The following NRG3 variants were observed in gnomAD, a reference collection of about 807,000 sequenced individuals.
NRG3 encodes neuregulin 3, also known as pro-neuregulin-3, membrane-bound isoform.
A neutral mutation model predicts 66.9 loss-of-function variants in NRG3; 31 were observed. That is an observed-to-expected ratio of 0.46 (90% CI 0.35 to 0.63). NRG3 has a LOEUF of 0.63. Ranked by LOEUF, NRG3 falls within the 20% of genes least tolerant of loss-of-function variation. NRG3 has a pLI of 0.00. For missense variants in NRG3, 910 were observed against 878.9 expected (o/e 1.04, Z -0.45); for synonymous variants, 393 against 359.4 (o/e 1.09, Z -1.06).
intron 3 of NRG3, among the ~76,000 whole-genome samples, chr10:82,764,139 A>T (rs564439094): frequency 6.6e-6 from 1 of 151,484 alleles, no homozygotes; most frequent in Non-Finnish European, 1.5e-5. Flanking sequence ...GGTTCAAGAG[A>T]TTTTTCTGCT....
chr10:82,059,230 G>A (rs1375892334), intron 1 of NRG3, among the ~76,000 whole-genome samples: 1 of 152,146 alleles, frequency 6.6e-6, no homozygotes, highest in Non-Finnish European at 1.5e-5. Flanking sequence ...ACAACATCTA[G>A]GCTGTAGCAC....
chr10:82,662,818 G>T (rs533011974), intron 2 of NRG3, among the ~76,000 whole-genome samples: 48 of 152,208 alleles, frequency 3.2e-4, no homozygotes, highest in African/African-American at 1.2e-3. Flanking sequence ...AGGTATAAAG[G>T]CTCCATAAAA....
intron 1 of NRG3, among the ~76,000 whole-genome samples, chr10:81,955,109 T>C (rs897976778): frequency 6.7e-6 from 1 of 149,038 alleles, no homozygotes; most frequent in Non-Finnish European, 1.5e-5. Context: ...GTTTGTTCTG[T>C]TATATTAGAC....
chr10:82,220,403 CTG>C (rs2133766842), intron 1 of NRG3, among the ~76,000 whole-genome samples: 1 of 152,218 alleles, frequency 6.6e-6, no homozygotes, highest in African/African-American at 2.4e-5. Flanking sequence ...TTTCTTGTGT[CTG>C]TGAGCCTAGA....
At chr10:82,485,516 A>G (rs1443365874) in intron 2 of NRG3, among the ~76,000 whole-genome samples, 1 of 150,030 alleles carries the variant, frequency 6.7e-6, no homozygotes, top group African/African-American at 2.5e-5. Context: ...GGGTAATCTA[A>G]TCAGAAATGG....
chr10:81,880,401 A>G (rs954797205), intron 1 of NRG3, among the ~76,000 whole-genome samples: 1 of 152,142 alleles, frequency 6.6e-6, no homozygotes, highest in African/African-American at 2.4e-5. Context: ...CCTGACCAAA[A>G]AAAACAAAAA....
At chr10:82,364,762 A>G (rs562067645) in intron 2 of NRG3, among the ~76,000 whole-genome samples, 8 of 152,356 alleles carry the variant, frequency 5.3e-5, no homozygotes, top group African/African-American at 1.9e-4. Flanking sequence ...CATTTTGGAA[A>G]TCAGCCAAGC....
rs372825042 is a variant in NRG3, at chr10:82,801,829, G to A, written c.1027+63179G>A. Among the ~76,000 whole-genome samples, 27 of 152,226 alleles carry A rather than the reference G, an allele frequency of 1.8e-4. No individual in the cohort carries two copies. The East Asian group carries it at 1.9e-3, about 11-fold the overall frequency. ...CCTTGTAATGTCTGTGTGATGTGAT[G>A]GTAAATTCAGAATATCTGTTCCAAT... On this transcript the variant is annotated intron_variant, in intron 3 of 8. Coordinates refer to ENST00000372141, the MANE Select transcript of NRG3 (RefSeq NM_001010848.4).
intron 1 of NRG3, among the ~76,000 whole-genome samples, chr10:82,003,585 C>T (rs1371649487): frequency 6.6e-6 from 1 of 152,102 alleles, no homozygotes; most frequent in Admixed American, 6.6e-5. Context: ...TTAAGAATGA[C>T]AGAGTGGCCA....
chr10:82,263,608 C>A (rs1278840031), intron 1 of NRG3, among the ~76,000 whole-genome samples: 1 of 152,042 alleles, frequency 6.6e-6, no homozygotes, highest in Non-Finnish European at 1.5e-5. Flanking sequence ...ATACTACATA[C>A]ACACACACCA....
intron 3 of NRG3, among the ~76,000 whole-genome samples, chr10:82,768,021 C>G (rs1219359581): frequency 5.9e-5 from 9 of 151,972 alleles, no homozygotes; most frequent in Non-Finnish European, 1.3e-4. Context: ...GAGCTGGTGT[C>G]ATTTTGGAGG....
intron 1 of NRG3, among the ~76,000 whole-genome samples, chr10:82,204,621 C>T (rs977782612): frequency 2.0e-5 from 3 of 152,152 alleles, no homozygotes; most frequent in Admixed American, 6.5e-5. Flanking sequence ...TTTTCTCAGG[C>T]CTAGGAGTAG....
At chr10:82,956,534 G>A (rs1268921660) in intron 5 of NRG3, among the ~76,000 whole-genome samples, 1 of 151,940 alleles carries the variant, frequency 6.6e-6, no homozygotes, top group Non-Finnish European at 1.5e-5. Flanking sequence ...CTAAAGGTAA[G>A]CAAATTATAA....
In NRG3 at chr10:82,706,538, T is replaced by G. The variant is rs1591250849; in HGVS notation, c.954-32039T>G. On this transcript the variant is annotated intron_variant, in intron 2 of 8. Coordinates refer to ENST00000372141, the MANE Select transcript of NRG3 (RefSeq NM_001010848.4). ...TCTCCATCCTGGACAAGTACTTGTA[T>G]ATTTTTTTCACATGTGGGGCTGACA... 2.6e-5 allele frequency among the ~76,000 whole-genome samples: 4 copies of G among 152,224 alleles called. No homozygotes were observed. In the East Asian group the frequency reaches 7.7e-4, roughly 29 times the overall value.
chr10:82,669,254 A>AGG (rs1349259962), intron 2 of NRG3, among the ~76,000 whole-genome samples: 1 of 60,822 alleles, frequency 1.6e-5, no homozygotes, highest in Non-Finnish European at 3.1e-5. Flanking sequence ...GATGGTAATA[A>AGG]TAATAATAAT....
At chr10:82,565,253 C>T (rs2045324945) in intron 2 of NRG3, among the ~76,000 whole-genome samples, 1 of 152,082 alleles carries the variant, frequency 6.6e-6, no homozygotes, top group South Asian at 2.1e-4. Context: ...TTTCTCCTTC[C>T]TTACACATTT....
At chr10:81,989,798 T>C (rs1485122323) in intron 1 of NRG3, among the ~76,000 whole-genome samples, 1 of 152,076 alleles carries the variant, frequency 6.6e-6, no homozygotes, top group South Asian at 2.1e-4. Flanking sequence ...AACAAGTTAT[T>C]GATGGCCTTG....
intron 2 of NRG3, among the ~76,000 whole-genome samples, chr10:82,424,356 A>T (rs903986851): frequency 1.3e-5 from 2 of 152,040 alleles, no homozygotes; most frequent in Admixed American, 1.3e-4. Context: ...TTGGATGTGA[A>T]GTGGCACCTC....
At chr10:82,484,531 A>T (rs1292788199) in intron 2 of NRG3, among the ~76,000 whole-genome samples, 1 of 152,156 alleles carries the variant, frequency 6.6e-6, no homozygotes, top group Admixed American at 6.6e-5. Flanking sequence ...TTGTTATTTT[A>T]TTTTAAAAAA....
Sources: gnomAD v4.1 joint callset for allele counts (sites outside exome capture counted in the v4.1 genomes callset) on GRCh38, gnomAD v4.1.1 for gene constraint, MANE v1.5 for transcripts, NCBI Gene and HGNC (gene_info 2026-07-23, HGNC 2026-07-21) for gene names.